The following PGM5 variants were observed in gnomAD, a reference collection of about 807,000 sequenced individuals.
The protein encoded by PGM5 is phosphoglucomutase 5, also known as phosphoglucomutase-like protein 5.
Under a neutral mutation model 59.2 loss-of-function variants are expected in PGM5, and 23 were observed. That is an observed-to-expected ratio of 0.39 (90% CI 0.28 to 0.55). PGM5 has a LOEUF of 0.55. Among genes scored for constraint, PGM5 ranks in the 20% least tolerant of loss-of-function variants. The pLI, the probability that PGM5 is intolerant of heterozygous loss-of-function variation, is 0.66. For synonymous variants in PGM5, 214 were observed against 286.0 expected (o/e 0.75, Z 2.54); for missense variants, 574 against 748.3 (o/e 0.77, Z 2.72).
At chr9:68,406,720 A>ATATATATATATATATG (rs1563996769) in intron 6 of PGM5, among the ~76,000 whole-genome samples, 1 of 76,580 alleles carries the variant, frequency 1.3e-5, no homozygotes, top group Non-Finnish European at 2.5e-5. Flanking sequence ...ATATATATAT[A>ATATATATATATATATG]TATATGTATA....
chr9:68,362,586 A>G (rs1434492560), intron 1 of PGM5, among the ~76,000 whole-genome samples: 14 of 152,316 alleles, frequency 9.2e-5, no homozygotes, highest in African/African-American at 3.4e-4. Flanking sequence ...GTAACTAATT[A>G]GTTTTTTATT....
intron 7 of PGM5, among the ~76,000 whole-genome samples, chr9:68,472,392 G>A (rs2132084432): frequency 6.9e-6 from 1 of 145,420 alleles, no homozygotes; most frequent in East Asian, 2.3e-4. Flanking sequence ...TAGAAGGAAT[G>A]CCAGGGGACT....
At chr9:68,381,320 AG>A (rs1465751224) in intron 2 of PGM5, among the ~76,000 whole-genome samples, 14 of 132,854 alleles carry the variant, frequency 1.1e-4, no homozygotes, top group African/African-American at 3.9e-4. Flanking sequence ...TAGAAAGTTC[AG>A]CATTCTTTCT....
intron 6 of PGM5, among the ~76,000 whole-genome samples, chr9:68,447,162 G>A (rs1421316341): frequency 6.6e-6 from 1 of 152,212 alleles, no homozygotes. Flanking sequence ...CCAAGCCGGA[G>A]GGAGGGACAT....
chr9:68,446,716 T>G (rs1001319270), intron 6 of PGM5, among the ~76,000 whole-genome samples: 3 of 152,244 alleles, frequency 2.0e-5, no homozygotes, highest in Non-Finnish European at 4.4e-5. Flanking sequence ...ATACTTTGGC[T>G]TCATGAAATG....
At chr9:68,456,318 G>T (rs1236522462) in intron 6 of PGM5, among the ~76,000 whole-genome samples, 1 of 150,772 alleles carries the variant, frequency 6.6e-6, no homozygotes, top group Non-Finnish European at 1.5e-5. Context: ...GGGGGTGGGG[G>T]GGTGGCAGGA....
At chr9:68,357,963 A>C (rs1834501643) in intron 1 of PGM5, 4 of 150,924 alleles carry the variant, frequency 2.7e-5, no homozygotes, top group African/African-American at 7.6e-5. Flanking sequence ...ACACACACAC[A>C]CGATCCCTGA....
chr9:68,431,740 C>T (rs1250488353), intron 6 of PGM5, among the ~76,000 whole-genome samples: 5 of 152,154 alleles, frequency 3.3e-5, no homozygotes, highest in African/African-American at 1.2e-4. Context: ...TTTATTAGGA[C>T]TCTGTGCCAA....
intron 6 of PGM5, among the ~76,000 whole-genome samples, chr9:68,413,224 T>C (rs1377936843): frequency 1.3e-5 from 2 of 152,222 alleles, no homozygotes; most frequent in African/African-American, 2.4e-5. Context: ...TCTTTCTCTT[T>C]ATGTTTTTCT....
At chr9:68,387,198 G>T (rs1822244326) in intron 3 of PGM5, among the ~76,000 whole-genome samples, 1 of 151,962 alleles carries the variant, frequency 6.6e-6, no homozygotes, top group African/African-American at 2.4e-5. Context: ...TTATTCTTGT[G>T]GTTGATATTT....
At chr9:68,361,483 G>A (rs1407358157) in intron 1 of PGM5, among the ~76,000 whole-genome samples, 4 of 152,274 alleles carry the variant, frequency 2.6e-5, no homozygotes, top group African/African-American at 7.2e-5. Flanking sequence ...ACCAAAAACT[G>A]GATGACTTAT....
chr9:68,361,017 C>T (rs1357264824), intron 1 of PGM5, among the ~76,000 whole-genome samples: 9 of 152,196 alleles, frequency 5.9e-5, no homozygotes, highest in Non-Finnish European at 1.2e-4. Context: ...TTCCTGGGCT[C>T]AAGTGATCTT....
At chr9:68,401,929 G>T (rs13440042) in intron 6 of PGM5, among the ~76,000 whole-genome samples, 1 of 56,950 alleles carries the variant, frequency 1.8e-5, no homozygotes, top group Non-Finnish European at 3.6e-5. Context: ...GTGTGTGTGT[G>T]TATATATTTG....
At chr9:68,527,049 G>A (rs1354847061) in intron 10 of PGM5, among the ~76,000 whole-genome samples, 1 of 152,214 alleles carries the variant, frequency 6.6e-6, no homozygotes, top group South Asian at 2.1e-4. Context: ...AGCTACGGAC[G>A]TGAGTCAGGA....
chr9:68,524,869 G>C (rs915828067), intron 10 of PGM5, among the ~76,000 whole-genome samples: 5 of 152,218 alleles, frequency 3.3e-5, no homozygotes, highest in Non-Finnish European at 7.3e-5. Context: ...CCACCAAACA[G>C]ATGTGTGACC....
chr9:68,437,359 T>C lies in PGM5; in HGVS notation c.1044-27734T>C, dbSNP rs543048712. ...AGGAAGCTTGGCAACTTTCGTGAAA[T>C]GGTGTGCCTTAAAGAGGAAGGAATT... On this transcript the variant is annotated intron_variant, in intron 6 of 10. Coordinates refer to ENST00000396396, the MANE Select transcript of PGM5 (RefSeq NM_021965.4). This position sits in a 1 kb window ranked among gnomAD's most constrained non-coding sequence, Gnocchi z 4.1. Among the ~76,000 whole-genome samples the C allele has an allele frequency of 6.6e-6, 1 of 152,314 alleles. No individual in the cohort carries two copies. The highest frequency in any genetic ancestry group is 6.5e-5 in the Admixed American group (1 of 15,298).
chr9:68,364,518 T>C (rs1244560024), intron 1 of PGM5, among the ~76,000 whole-genome samples: 2 of 152,166 alleles, frequency 1.3e-5, no homozygotes, highest in African/African-American at 4.8e-5. Flanking sequence ...TGGAGTTCAC[T>C]ACAGAATAGG....
In PGM5 at chr9:68,477,811, T is replaced by C. The variant is rs180958906; in HGVS notation, c.1160-1607T>C. ...TAATCCTGACAGTAACCCCATGGGGTAGGGGCTGTTATTGTCCATAGATTA... is the reference window on the plus strand; with the variant it reads ...TAATCCTGACAGTAACCCCATGGGGCAGGGGCTGTTATTGTCCATAGATTA... On this transcript the variant is annotated intron_variant, in intron 7 of 10. Transcript: ENST00000396396. Among the ~76,000 whole-genome samples the C allele has an allele frequency of 2.0e-5, 3 of 152,278 alleles. No individual in the cohort carries two copies. In the East Asian group the frequency reaches 5.8e-4, roughly 29 times the overall value.
chr9:68,385,285 C>T (rs2132002299), intron 3 of PGM5, among the ~76,000 whole-genome samples: 1 of 152,216 alleles, frequency 6.6e-6, no homozygotes, highest in East Asian at 1.9e-4. Flanking sequence ...CATAGAATAG[C>T]AATAGATCTA....
Sources: gnomAD v4.1 joint callset for allele counts (sites outside exome capture counted in the v4.1 genomes callset) on GRCh38, gnomAD v4.1.1 for gene constraint, Gnocchi (gnomAD v3.1) non-coding constraint, MANE v1.5 for transcripts, NCBI Gene and HGNC (gene_info 2026-07-23, HGNC 2026-07-21) for gene names.